Variants in CRYBG1 observed in about 807,000 individuals in gnomAD.
CRYBG1 encodes beta/gamma crystallin domain-containing protein 1.
In CRYBG1, 139 loss-of-function variants were observed where a neutral mutation model predicts 189.2. The observed-to-expected ratio is 0.73, with a 90% CI of 0.64 to 0.85. The LOEUF is 0.85. Ranked by LOEUF, CRYBG1 falls within the 40% of genes least tolerant of loss-of-function variation. CRYBG1 has a pLI of 0.00. For synonymous variants in CRYBG1, 1,023 were observed against 1,017.1 expected (o/e 1.01, Z -0.11); for missense variants, 2,611 against 2,675.8 (o/e 0.98, Z 0.53).
intron 1 of CRYBG1, among the ~76,000 whole-genome samples, chr6:106,387,046 A>G (rs1400356036): frequency 1.3e-5 from 2 of 152,238 alleles, no homozygotes; most frequent in African/African-American, 4.8e-5. Context: ...GGGATTTACC[A>G]TGGAACATAA....
chr6:106,512,528 C>A lies in CRYBG1; in HGVS notation c.1411C>A (p.Arg471=). ...GGCGGAAAAGAAAGTGAAATCTCCGCGGGCAGCCCTCGACGGGGGCGTTGC... is the reference window on the plus strand; with the variant it reads ...GGCGGAAAAGAAAGTGAAATCTCCGAGGGCAGCCCTCGACGGGGGCGTTGC... The part of the protein sequence containing the change: ...ASAEKKVKSP[R]AALDGGVASA... Residue 471 remains arginine (R), a synonymous_variant, in exon 3 of 22, where the codon CGG becomes AGG. Coordinates refer to ENST00000633556, the MANE Select transcript of CRYBG1 (RefSeq NM_001371242.2). 1 of 1,609,552 alleles carries A rather than the reference C, an allele frequency of 6.2e-7. No homozygotes were observed. The highest frequency in any genetic ancestry group is 1.3e-5 in the African/African-American group (1 of 74,990).
At chr6:106,406,927 A>T (rs575519918) in intron 1 of CRYBG1, among the ~76,000 whole-genome samples, 32 of 152,360 alleles carry the variant, frequency 2.1e-4, no homozygotes, top group African/African-American at 7.7e-4. Context: ...ACACTGCAAA[A>T]ACATACCAAA....
At chr6:106,375,135 C>T (rs946773342) in intron 1 of CRYBG1, among the ~76,000 whole-genome samples, 1 of 152,058 alleles carries the variant, frequency 6.6e-6, no homozygotes, top group Non-Finnish European at 1.5e-5. Context: ...ATAATCGCAA[C>T]ACCTTGGGGA....
chr6:106,378,817 C>G lies in CRYBG1; in HGVS notation c.173+17736C>G, dbSNP rs540635046. ...TTTTCTTCCTCCTCCTCCTGTTGTTCTTCTTCTTCCCTTTTTTTAAAACTT... is the reference window on the plus strand; with the variant it reads ...TTTTCTTCCTCCTCCTCCTGTTGTTGTTCTTCTTCCCTTTTTTTAAAACTT... On this transcript the variant is annotated intron_variant, in intron 1 of 21. Coordinates refer to ENST00000633556, the MANE Select transcript of CRYBG1 (RefSeq NM_001371242.2). 2.0e-5 allele frequency among the ~76,000 whole-genome samples: 3 copies of G among 152,284 alleles called. No individual in the cohort carries two copies. The East Asian group carries it at 5.8e-4, about 29-fold the overall frequency.
At chr6:106,474,348 A>G (rs1248738612) in intron 2 of CRYBG1, among the ~76,000 whole-genome samples, 1 of 152,194 alleles carries the variant, frequency 6.6e-6, no homozygotes, top group Non-Finnish European at 1.5e-5. Flanking sequence ...GGTCTCTAAA[A>G]TATAATAATA....
At chr6:106,361,866 T>C (rs1003126674) in intron 1 of CRYBG1, among the ~76,000 whole-genome samples, 4 of 152,148 alleles carry the variant, frequency 2.6e-5, no homozygotes, top group African/African-American at 9.7e-5. Flanking sequence ...CAATGTCCAG[T>C]AAATCCTTCC....
chr6:106,461,441 T>C (rs1424338227), intron 2 of CRYBG1, among the ~76,000 whole-genome samples: 1 of 152,202 alleles, frequency 6.6e-6, no homozygotes, highest in African/African-American at 2.4e-5. Flanking sequence ...ATCCTCATAA[T>C]AAAGAGGAGT....
At chr6:106,525,208 G>T in intron 5 of CRYBG1, 28 bp downstream of exon 5, 1 of 1,613,982 alleles carries the variant, frequency 6.2e-7, no homozygotes, top group Non-Finnish European at 8.5e-7. Context: ...TTCTAGTCTT[G>T]ATTCTATTTT....
At chr6:106,553,924 G>C (rs1049547969) in intron 16 of CRYBG1, among the ~76,000 whole-genome samples, 1 of 152,162 alleles carries the variant, frequency 6.6e-6, no homozygotes, top group South Asian at 2.1e-4. Flanking sequence ...AAGGTAGAAA[G>C]TACACGCTGG....
intron 2 of CRYBG1, among the ~76,000 whole-genome samples, chr6:106,455,331 T>A (rs1461571275): frequency 6.6e-6 from 1 of 152,124 alleles, no homozygotes; most frequent in African/African-American, 2.4e-5. Flanking sequence ...CATTGTAGAT[T>A]ATTATGTGTT....
At chr6:106,429,984 A>G (rs1029838175) in intron 1 of CRYBG1, among the ~76,000 whole-genome samples, 3 of 152,148 alleles carry the variant, frequency 2.0e-5, no homozygotes, top group Non-Finnish European at 4.4e-5. Flanking sequence ...TCAGAAATAT[A>G]TTACATATTA....
At chr6:106,504,458 G>A (rs555830703) in intron 2 of CRYBG1, among the ~76,000 whole-genome samples, 4 of 152,202 alleles carry the variant, frequency 2.6e-5, no homozygotes, top group Admixed American at 2.6e-4. Flanking sequence ...CACAAATGTA[G>A]TAACAGAGGT....
In CRYBG1 at chr6:106,511,428, A is replaced by G. The variant is rs1163738877; in HGVS notation, c.313-2A>G. On this transcript the variant is annotated splice_acceptor_variant, in intron 2 of 21. Coordinates refer to ENST00000633556, the MANE Select transcript of CRYBG1 (RefSeq NM_001371242.2). LOFTEE classifies it high-confidence loss of function. ...TCCCTCCTCATCCCTTTTATTTTTC[A>G]GTCCAGAGCACAACCTCCAGAAGAC... 2 of 1,530,490 alleles carry G rather than the reference A, an allele frequency of 1.3e-6. No individual in the cohort carries two copies. The highest frequency in any genetic ancestry group is 4.0e-5 in the Admixed American group (2 of 49,842). 94.8% of individuals were successfully genotyped at this position (1,530,490 alleles called of 1,614,324 possible).
Position 106,392,902 on chromosome 6 carries a change from G to A in CRYBG1, c.173+31821G>A, listed in dbSNP as rs1228923301. On this transcript the variant is annotated intron_variant, in intron 1 of 21. Transcript: ENST00000633556. Reference sequence around the variant, plus strand: ...TGATTCTCCTGTCTCAGCCTCCCGAGTAGCTAGGGTTATAGGTGCGTGCCA... The same window carrying A: ...TGATTCTCCTGTCTCAGCCTCCCGAATAGCTAGGGTTATAGGTGCGTGCCA... 4.6e-5 allele frequency among the ~76,000 whole-genome samples: 7 copies of A among 152,094 alleles called. No individual in the cohort carries two copies. The South Asian group carries it at 1.2e-3, about 27-fold the overall frequency.
chr6:106,462,263 C>T (rs1028751276), intron 2 of CRYBG1, among the ~76,000 whole-genome samples: 4 of 152,132 alleles, frequency 2.6e-5, no homozygotes, highest in Admixed American at 6.5e-5. Flanking sequence ...CTCCGCCTCC[C>T]GGGTTCACGC....
intron 1 of CRYBG1, among the ~76,000 whole-genome samples, chr6:106,393,522 A>T (rs1369295153): frequency 2.0e-5 from 3 of 152,222 alleles, no homozygotes; most frequent in Admixed American, 2.0e-4. Flanking sequence ...CTGCATGGGC[A>T]GGGATTGGAT....
At chr6:106,426,220 G>A (rs1771222909) in intron 1 of CRYBG1, among the ~76,000 whole-genome samples, 1 of 152,118 alleles carries the variant, frequency 6.6e-6, no homozygotes, top group South Asian at 2.1e-4. Flanking sequence ...TCTAAGTCAA[G>A]CCTTTCACTC....
chr6:106,550,856 A>C (rs996427256), intron 13 of CRYBG1, among the ~76,000 whole-genome samples: 1 of 152,030 alleles, frequency 6.6e-6, no homozygotes, highest in African/African-American at 2.4e-5. Flanking sequence ...CTTAGAATAC[A>C]ATTAGAAAAA....
intron 9 of CRYBG1, 145 bp downstream of exon 9, chr6:106,539,674 G>C (rs1774085842): frequency 1.2e-6 from 1 of 809,932 alleles, no homozygotes; most frequent in Non-Finnish European, 1.8e-6. Flanking sequence ...AGAAATCATG[G>C]AAAGAATAAC....
Sources: allele counts gnomAD v4.1 joint callset (sites outside exome capture counted in the v4.1 genomes callset), GRCh38; gene constraint gnomAD v4.1.1; transcripts MANE v1.5; gene names NCBI Gene and HGNC (gene_info 2026-07-23, HGNC 2026-07-21).